Variants in RAD21L1 observed in about 807,000 individuals in gnomAD.
The protein encoded by RAD21L1 is double-strand-break repair protein rad21-like protein 1.
RAD21L1 carries 47 observed loss-of-function variants against 69.0 expected under a neutral mutation model. That is an observed-to-expected ratio of 0.68 (90% CI 0.54 to 0.87). RAD21L1 has a LOEUF of 0.87. Ranked by LOEUF, RAD21L1 falls within the 40% of genes least tolerant of loss-of-function variation. The probability of loss-of-function intolerance (pLI) is 0.00; values close to 1 mark genes in which losing one functional copy is unlikely to be tolerated. For synonymous variants in RAD21L1, 177 were observed against 205.8 expected (o/e 0.86, Z 1.20); for missense variants, 583 against 647.6 (o/e 0.90, Z 1.08).
chr20:1,254,090 A>G (rs776299788), intron 13 of RAD21L1, among the ~76,000 whole-genome samples, 179 bp from the exon 14 acceptor site: 1 of 152,224 alleles, frequency 6.6e-6, no homozygotes, highest in Admixed American at 6.5e-5. Flanking sequence ...AAGCTTGTGT[A>G]CAGTAACTTG....
chr20:1,252,518 G>A (rs945860535), intron 13 of RAD21L1, among the ~76,000 whole-genome samples: 1 of 144,182 alleles, frequency 6.9e-6, no homozygotes, highest in South Asian at 2.1e-4. Context: ...TCACTGTTCA[G>A]AGTGTAGAAT....
intron 11 of RAD21L1, among the ~76,000 whole-genome samples, chr20:1,245,150 G>T (rs7265644): frequency 4.6e-5 from 7 of 152,114 alleles, no homozygotes; most frequent in Non-Finnish European, 8.8e-5. Flanking sequence ...AAGAGAGATC[G>T]ATGTACCAGT....
chr20:1,242,608 C>G lies in RAD21L1; in HGVS notation c.857-11C>G, dbSNP rs1057209307. The G allele has an allele frequency of 2.0e-6, 3 of 1,528,238 alleles. No homozygotes were observed. The African/African-American group carries it at 4.1e-5, about 21-fold the overall frequency. 94.7% of individuals were successfully genotyped at this position (1,528,238 alleles called of 1,614,324 possible). A position where few individuals can be genotyped will look rare whatever the true frequency, so the allele number is the denominator to read the frequency against. On this transcript the variant is annotated splice_polypyrimidine_tract_variant and intron_variant, in intron 8 of 13. Coordinates refer to ENST00000683101, the MANE Select transcript of RAD21L1 (RefSeq NM_001384355.1). The stretch of plus-strand genomic sequence containing the variant: ...ATAACCAATCACATTTGTGCTATTT[C>G]TTATATTTAGACATTGCTGAGAAAA...
At position 1,242,696 on chromosome 20, in the gene RAD21L1, C is replaced by T; in HGVS notation, c.934C>T (p.His312Tyr). Residue 312 changes from histidine (H) to tyrosine (Y), a missense_variant, in exon 9 of 14, where the codon CAT becomes TAT. Physicochemically the swap from His to Tyr is moderately conservative, Grantham distance 83. Transcript: ENST00000683101. The stretch of plus-strand genomic sequence containing the variant: ...CAAGGAGCTCAGTAGCAAAGTTATA[C>T]ATAAACAGCTTACTTCCTTTGCGGA... ...PIKELSSKVIHKQLTSFADTL... is the reference protein window; with the variant it reads ...PIKELSSKVIYKQLTSFADTL... 6.4e-7 allele frequency: 1 copy of T among 1,551,594 alleles called. No homozygotes were observed. The highest frequency in any genetic ancestry group is 8.7e-7 in the Non-Finnish European group (1 of 1,146,896).
chr20:1,235,300 G>A (rs1268309947), intron 5 of RAD21L1, among the ~76,000 whole-genome samples: 1 of 152,020 alleles, frequency 6.6e-6, no homozygotes, highest in Admixed American at 6.6e-5. Flanking sequence ...ATGCTTGAGC[G>A]ACATCTCTAA....
intron 2 of RAD21L1, 35 bp from the exon 3 acceptor site, chr20:1,229,845 C>G (rs1401668752): frequency 6.8e-7 from 1 of 1,465,064 alleles, no homozygotes; most frequent in Non-Finnish European, 9.2e-7. Flanking sequence ...TGAACCTAAT[C>G]TTTACTCTTC....
In RAD21L1 at chr20:1,234,272, G is replaced by T. The variant is rs570375412; in HGVS notation, c.475+81G>T. 3.9e-5 allele frequency: 27 copies of T among 690,374 alleles called. 1 individual carries two copies. Among genetic ancestry groups the T allele is most frequent in the South Asian group, 1.1e-4 (6 of 56,586 alleles). 42.8% of individuals were successfully genotyped at this position (690,374 alleles called of 1,614,324 possible). A position where few individuals can be genotyped will look rare whatever the true frequency, so the allele number is the denominator to read the frequency against. ...GTGTATTGAAATAATGCCAGTAGAC[G>T]TAGCTATAGAATGAATCTTTTGATG... On this transcript the variant is annotated intron_variant, in intron 5 of 13. Transcript: ENST00000683101.
chr20:1,240,416 G>T lies in RAD21L1; in HGVS notation c.838G>T (p.Asp280Tyr). 6.5e-7 allele frequency: 1 copy of T among 1,542,372 alleles called. No individual in the cohort carries two copies. Among genetic ancestry groups the T allele is most frequent in the East Asian group, 2.5e-5 (1 of 40,704 alleles). The change falls in exon 8 of 14, where the codon GAT becomes TAT. Residue 280 changes from aspartate (D) to tyrosine (Y), a missense_variant. Coordinates refer to ENST00000683101, the MANE Select transcript of RAD21L1 (RefSeq NM_001384355.1). ...LSTEEEGFTLDPIDISDIAEK... is the reference protein window; with the variant it reads ...LSTEEEGFTLYPIDISDIAEK... The stretch of plus-strand genomic sequence containing the variant: ...AACTGAAGAGGAAGGATTTACCCTT[G>T]ATCCAATTGATATTTCAGGTCAGAG...
At chr20:1,236,579 A>G (rs1303508095) in intron 5 of RAD21L1, among the ~76,000 whole-genome samples, 1 of 150,920 alleles carries the variant, frequency 6.6e-6, no homozygotes, top group Non-Finnish European at 1.5e-5. Flanking sequence ...TTGGGTTTGA[A>G]TCTGAACTTT....
intron 4 of RAD21L1, 38 bp from the exon 5 acceptor site, chr20:1,234,047 T>C (rs2122787143): frequency 1.1e-6 from 1 of 933,006 alleles, no homozygotes; most frequent in Admixed American, 2.4e-5. Context: ...CATTGTTTTC[T>C]GTTCTCATGT....
intron 13 of RAD21L1, 86 bp from the exon 14 acceptor site, chr20:1,254,183 T>A: frequency 1.2e-6 from 1 of 831,532 alleles, no homozygotes; most frequent in Non-Finnish European, 1.8e-6. Context: ...TGTCAATATT[T>A]TGTTGTTTAT....
At chr20:1,229,043 C>T (rs2087329120) in intron 2 of RAD21L1, among the ~76,000 whole-genome samples, 1 of 152,186 alleles carries the variant, frequency 6.6e-6, no homozygotes, top group African/African-American at 2.4e-5. Context: ...ATTTGCATTA[C>T]AGCATTTAAT....
intron 13 of RAD21L1, among the ~76,000 whole-genome samples, chr20:1,248,974 C>G (rs1353431385): frequency 6.6e-6 from 1 of 152,154 alleles, no homozygotes; most frequent in African/African-American, 2.4e-5. Context: ...ATGATACCAA[C>G]TAATTCTCAA....
intron 5 of RAD21L1, among the ~76,000 whole-genome samples, chr20:1,236,635 T>C (rs1299565046): frequency 1.3e-5 from 2 of 152,218 alleles, no homozygotes; most frequent in East Asian, 1.9e-4. Flanking sequence ...CCTAACCTCT[T>C]TGAGCCTTAC....
At chr20:1,252,812 CT>C (rs1381996180) in intron 13 of RAD21L1, among the ~76,000 whole-genome samples, 3 of 152,188 alleles carry the variant, frequency 2.0e-5, no homozygotes, top group Admixed American at 2.0e-4. Context: ...GGCTTCCCCC[CT>C]GCCAGCACTT....
At chr20:1,244,462 C>A (rs543650729) in intron 11 of RAD21L1, among the ~76,000 whole-genome samples, 21 of 152,078 alleles carry the variant, frequency 1.4e-4, no homozygotes, top group Non-Finnish European at 2.5e-4. Context: ...TGCTGAGAAT[C>A]CTACTAGGCC....
chr20:1,229,851 T>A, intron 2 of RAD21L1, 29 bp from the exon 3 acceptor site: 1 of 1,481,552 alleles, frequency 6.7e-7, no homozygotes. Flanking sequence ...TAATCTTTAC[T>A]CTTCTAATAC....
At chr20:1,252,804 C>G (rs1249055957) in intron 13 of RAD21L1, among the ~76,000 whole-genome samples, 3 of 152,180 alleles carry the variant, frequency 2.0e-5, no homozygotes, top group Non-Finnish European at 4.4e-5. Context: ...TTTTTGCTGG[C>G]TTCCCCCCTG....
At chr20:1,253,421 C>T (rs1001957510) in intron 13 of RAD21L1, among the ~76,000 whole-genome samples, 3 of 152,126 alleles carry the variant, frequency 2.0e-5, no homozygotes, top group East Asian at 1.9e-4. Flanking sequence ...CTCAGCCTCC[C>T]GAATAGCTGG....
Sources: allele counts gnomAD v4.1 joint callset (sites outside exome capture counted in the v4.1 genomes callset), GRCh38; gene constraint gnomAD v4.1.1; transcripts MANE v1.5; gene names NCBI Gene and HGNC (gene_info 2026-07-23, HGNC 2026-07-21).